Variants in CAPZB observed in about 807,000 individuals in gnomAD.
CAPZB encodes F-actin-capping protein subunit beta.
CAPZB carries 2 observed loss-of-function variants against 38.1 expected under a neutral mutation model. The ratio of observed to expected loss-of-function variants is 0.05; its 90% CI spans 0.02 to 0.17. The LOEUF is 0.17. Ranked by LOEUF, CAPZB falls within the 10% of genes least tolerant of loss-of-function variation. CAPZB has a pLI of 1.00. For missense variants in CAPZB, 161 were observed against 334.2 expected (o/e 0.48, Z 4.04); for synonymous variants, 107 against 127.4 (o/e 0.84, Z 1.08).
At chr1:19,352,690 C>A (rs1558177564) in intron 6 of CAPZB, among the ~76,000 whole-genome samples, 1 of 152,278 alleles carries the variant, frequency 6.6e-6, no homozygotes, top group Non-Finnish European at 1.5e-5. Context: ...TGCGGCTCAC[C>A]TTCACTCCGA....
intron 8 of CAPZB, among the ~76,000 whole-genome samples, chr1:19,340,355 G>A (rs1230253146): frequency 6.6e-6 from 1 of 152,244 alleles, no homozygotes; most frequent in African/African-American, 2.4e-5. Context: ...GTGCCCCTGG[G>A]ATCCCTGCTG....
At chr1:19,415,351 C>T (rs2094374432) in intron 2 of CAPZB, among the ~76,000 whole-genome samples, 1 of 152,218 alleles carries the variant, frequency 6.6e-6, no homozygotes, top group Non-Finnish European at 1.5e-5. Flanking sequence ...AGACAAAGGC[C>T]TGGATCCTTT....
intron 1 of CAPZB, among the ~76,000 whole-genome samples, chr1:19,453,408 C>T (rs555205058): frequency 1.4e-4 from 22 of 151,992 alleles, no homozygotes; most frequent in Non-Finnish European, 2.9e-4. Context: ...ATTACAGGGG[C>T]GCACCACCAC....
At chr1:19,474,400 G>A (rs951320289) in intron 1 of CAPZB, among the ~76,000 whole-genome samples, 11 of 152,192 alleles carry the variant, frequency 7.2e-5, no homozygotes, top group African/African-American at 1.9e-4. Flanking sequence ...AAGTGACTAG[G>A]TTCAAGCCCG....
intron 2 of CAPZB, among the ~76,000 whole-genome samples, chr1:19,394,670 C>T (rs1049775635): frequency 3.9e-5 from 6 of 152,092 alleles, no homozygotes; most frequent in African/African-American, 1.2e-4. Flanking sequence ...GAGCAGAGAT[C>T]GCGCCACAGC....
chr1:19,381,125 C>T (rs927577110), intron 3 of CAPZB, among the ~76,000 whole-genome samples: 7 of 151,934 alleles, frequency 4.6e-5, no homozygotes, highest in African/African-American at 1.5e-4. Context: ...GCTGAGATCG[C>T]GCCACTGCAC....
intron 2 of CAPZB, among the ~76,000 whole-genome samples, chr1:19,410,542 C>A (rs940964239): frequency 6.6e-6 from 1 of 152,200 alleles, no homozygotes; most frequent in Non-Finnish European, 1.5e-5. Context: ...ACTGTTCCAA[C>A]TGAGCCCGGG....
chr1:19,385,356 G>A, intron 3 of CAPZB, 149 bp downstream of exon 3: 1 of 754,944 alleles, frequency 1.3e-6, no homozygotes, highest in Non-Finnish European at 2.2e-6. Flanking sequence ...GACAAGAGAA[G>A]AAAGGAGAGG....
intron 1 of CAPZB, among the ~76,000 whole-genome samples, chr1:19,443,110 G>A (rs1026330413): frequency 6.6e-6 from 1 of 152,064 alleles, no homozygotes; most frequent in African/African-American, 2.4e-5. Context: ...TTCCTGGCCA[G>A]GAGTGGTAGT....
intron 1 of CAPZB, chr1:19,484,258 G>C: frequency 6.2e-7 from 1 of 1,612,344 alleles, no homozygotes; most frequent in Non-Finnish European, 8.5e-7. Context: ...GGGAAGGGGA[G>C]GCTGCGCCTG....
chr1:19,479,215 A>C (rs535996557), intron 1 of CAPZB, among the ~76,000 whole-genome samples: 1 of 152,102 alleles, frequency 6.6e-6, no homozygotes, highest in South Asian at 2.1e-4. Context: ...GTCTCAAACA[A>C]ACAAACAAAA....
At chr1:19,432,343 G>T (rs534616260) in intron 1 of CAPZB, among the ~76,000 whole-genome samples, 23 of 152,198 alleles carry the variant, frequency 1.5e-4, no homozygotes, top group African/African-American at 5.3e-4. Context: ...CCAGGAGGCT[G>T]AGGTATGAGA....
intron 1 of CAPZB, among the ~76,000 whole-genome samples, chr1:19,440,445 C>T (rs1333592029): frequency 6.6e-6 from 1 of 152,150 alleles, no homozygotes; most frequent in Admixed American, 6.5e-5. Flanking sequence ...TTAAGCATTT[C>T]CCCTGAAATC....
intron 1 of CAPZB, among the ~76,000 whole-genome samples, chr1:19,464,720 G>T (rs1010997297): frequency 3.3e-5 from 5 of 152,206 alleles, no homozygotes; most frequent in South Asian, 4.1e-4. Context: ...AGCAAGAAAA[G>T]GAAATATTAA....
chr1:19,476,837 G>C (rs561969241), intron 1 of CAPZB, among the ~76,000 whole-genome samples: 1 of 152,358 alleles, frequency 6.6e-6, no homozygotes, highest in Admixed American at 6.5e-5. Context: ...ACTGTGGCTA[G>C]ACGTACAGGG....
At chr1:19,435,898 T>A (rs1028450833) in intron 1 of CAPZB, among the ~76,000 whole-genome samples, 5 of 152,180 alleles carry the variant, frequency 3.3e-5, no homozygotes, top group African/African-American at 1.2e-4. Flanking sequence ...CACCTACTTT[T>A]GCACAGTTGA....
intron 1 of CAPZB, among the ~76,000 whole-genome samples, chr1:19,426,271 T>C (rs1201170323): frequency 6.6e-6 from 1 of 152,198 alleles, no homozygotes; most frequent in East Asian, 1.9e-4. Context: ...AATCCACTTT[T>C]CTGTGAAGGT....
At chr1:19,461,246 G>A (rs2094551002) in intron 1 of CAPZB, among the ~76,000 whole-genome samples, 1 of 152,184 alleles carries the variant, frequency 6.6e-6, no homozygotes, top group East Asian at 1.9e-4. Context: ...AGCAGGGGGT[G>A]GAGCCCACTT....
At chr1:19,352,489 A>T (rs2093996905) in intron 6 of CAPZB, among the ~76,000 whole-genome samples, 1 of 152,212 alleles carries the variant, frequency 6.6e-6, no homozygotes, top group Non-Finnish European at 1.5e-5. Flanking sequence ...CTCTGCTGTC[A>T]CATAGGAGAA....
Sources: allele counts gnomAD v4.1 joint callset (sites outside exome capture counted in the v4.1 genomes callset), GRCh38; gene constraint gnomAD v4.1.1; transcripts MANE v1.5; gene names NCBI Gene and HGNC (gene_info 2026-07-23, HGNC 2026-07-21).